Variants in POLN observed in about 807,000 individuals in gnomAD.
The protein encoded by POLN is DNA polymerase nu.
POLN carries 108 observed loss-of-function variants against 113.5 expected under a neutral mutation model. That is an observed-to-expected ratio of 0.95 (90% CI 0.81 to 1.12). The LOEUF is 1.12. Among genes scored for constraint, POLN ranks in the 50% most tolerant of loss-of-function variants. POLN has a pLI of 0.00. For synonymous variants in POLN, 386 were observed against 391.5 expected (o/e 0.99, Z 0.17); for missense variants, 1,097 against 1,077.1 (o/e 1.02, Z -0.26).
intron 3 of POLN, among the ~76,000 whole-genome samples, chr4:2,215,781 CT>C (rs1461205650): frequency 6.6e-6 from 1 of 152,188 alleles, no homozygotes; most frequent in Non-Finnish European, 1.5e-5. Flanking sequence ...GGGCCTTTTC[CT>C]TGGGAAATTT....
In POLN at chr4:2,175,424, C is replaced by T. The variant is rs140957751; in HGVS notation, c.1249-673G>A. On this transcript the variant is annotated intron_variant, in intron 9 of 25. Coordinates refer to ENST00000511885, the MANE Select transcript of POLN (RefSeq NM_181808.4). The stretch of plus-strand genomic sequence containing the variant: ...ATTTAAGCATTTGTGGACTTTTAGT[C>T]TACCATTTTAATTTCAGAATAGGCT... Among the ~76,000 whole-genome samples the T allele has an allele frequency of 2.8e-4, 43 of 152,298 alleles. No homozygotes were observed. In the East Asian group the frequency reaches 6.2e-3, roughly 22 times the overall value.
chr4:2,089,088 C>T, intron 20 of POLN: 1 of 910,272 alleles, frequency 1.1e-6, no homozygotes, highest in Non-Finnish European at 1.7e-6. Flanking sequence ...ATGGATTGGT[C>T]TACTATAGGC....
intron 3 of POLN, among the ~76,000 whole-genome samples, chr4:2,222,108 T>G (rs768438207): frequency 6.6e-6 from 1 of 152,216 alleles, no homozygotes; most frequent in Admixed American, 6.5e-5. Context: ...TTATTTTGCA[T>G]TCACATGGGT....
intron 5 of POLN, among the ~76,000 whole-genome samples, chr4:2,206,752 A>C (rs1255363234): frequency 6.6e-6 from 1 of 152,206 alleles, no homozygotes; most frequent in South Asian, 2.1e-4. Context: ...AAAATAATAG[A>C]TATTGGCATG....
intron 7 of POLN, among the ~76,000 whole-genome samples, chr4:2,180,502 T>C (rs554955890): frequency 6.8e-4 from 104 of 152,200 alleles, no homozygotes; most frequent in Non-Finnish European, 1.3e-3. Flanking sequence ...GAGATTTATA[T>C]TTACCAAAGC....
chr4:2,114,828 T>G (rs1186455858), intron 19 of POLN, among the ~76,000 whole-genome samples: 1 of 152,038 alleles, frequency 6.6e-6, no homozygotes, highest in African/African-American at 2.4e-5. Context: ...ATATTTCTTT[T>G]ACCTTATTCT....
At chr4:2,165,660 AG>A (rs541961868) in intron 13 of POLN, among the ~76,000 whole-genome samples, 79 of 152,288 alleles carry the variant, frequency 5.2e-4, no homozygotes, top group African/African-American at 1.9e-3. Context: ...CATTCTGTCG[AG>A]GATGTTGATA....
At position 2,241,541 on chromosome 4, in the gene POLN, G is replaced by T. The variant is rs1412954399; in HGVS notation, c.-34C>A. Reference sequence around the variant, plus strand: ...TTACCTCAACGTCTCGCCGGGCAAGGCTCCACCTCCAGAGTCCACCACCGC... The same window carrying T: ...TTACCTCAACGTCTCGCCGGGCAAGTCTCCACCTCCAGAGTCCACCACCGC... On this transcript the variant is annotated 5_prime_UTR_variant, in exon 2 of 26. Coordinates refer to ENST00000511885, the MANE Select transcript of POLN (RefSeq NM_181808.4). 3.0e-6 allele frequency: 3 copies of T among 985,794 alleles called. No homozygotes were observed. Among genetic ancestry groups the T allele is most frequent in the Non-Finnish European group, 3.6e-6 (3 of 830,302 alleles). The allele number at this position is 985,794 out of a possible 1,614,324, so 61.1% of individuals were successfully genotyped here. A position where few individuals can be genotyped will look rare whatever the true frequency, so the allele number is the denominator to read the frequency against.
intron 21 of POLN, among the ~76,000 whole-genome samples, chr4:2,084,688 G>A (rs35049617): frequency 2.7e-3 from 416 of 152,358 alleles, no homozygotes; most frequent in Non-Finnish European, 3.0e-3. Flanking sequence ...GGCTCACGGA[G>A]AGGGTCCACG....
intron 19 of POLN, among the ~76,000 whole-genome samples, chr4:2,103,735 A>G (rs1577694121): frequency 6.6e-6 from 1 of 152,178 alleles, no homozygotes; most frequent in African/African-American, 2.4e-5. Flanking sequence ...TATAAAGGAA[A>G]CCCCATTGGA....
intron 19 of POLN, among the ~76,000 whole-genome samples, chr4:2,121,708 A>G (rs1731447660): frequency 1.3e-5 from 2 of 151,962 alleles, no homozygotes; most frequent in African/African-American, 4.8e-5. Context: ...CATTCCTGAT[A>G]TTGATGATTT....
Position 2,208,260 on chromosome 4 carries a change from T to G in POLN, c.441A>C (p.Glu147Asp). Residue 147 changes from glutamate to aspartate, a missense_variant, in exon 5 of 26, where the codon GAA (glutamate) becomes GAC (aspartate). By Grantham distance (45) the Glu-to-Asp change is conservative. Transcript: ENST00000511885. ...KHFLMENINNENKGSINLKRK... is the reference protein window; with the variant it reads ...KHFLMENINNDNKGSINLKRK... ...TTTTAAGATTAATGCTTCCTTTATT[T>G]TCATTATTTATATTCTCCATTAGGA... 6.3e-7 allele frequency: 1 copy of G among 1,588,000 alleles called. No individual in the cohort carries two copies. The highest frequency in any genetic ancestry group is 8.6e-7 in the Non-Finnish European group (1 of 1,162,002).
At chr4:2,119,311 A>G (rs1220477299) in intron 19 of POLN, among the ~76,000 whole-genome samples, 3 of 152,250 alleles carry the variant, frequency 2.0e-5, no homozygotes, top group Non-Finnish European at 4.4e-5. Context: ...GAATTCACCT[A>G]ATGAGCCAAA....
chr4:2,144,143 C>CTTT (rs955583573), intron 16 of POLN, among the ~76,000 whole-genome samples: 17 of 127,010 alleles, frequency 1.3e-4, no homozygotes, highest in East Asian at 4.5e-4. Flanking sequence ...AAAATTTGTT[C>CTTT]TTTTTTTTTT....
chr4:2,232,084 T>A lies in POLN; in HGVS notation c.-12-2841A>T, dbSNP rs574720440. The A allele has an allele frequency of 4.9e-5, 78 of 1,604,234 alleles. 2 individuals are homozygous for A. The South Asian group carries it at 8.3e-4, about 17-fold the overall frequency. ...CAAAGTTTTTCTTTTTGTCTTCACATCAGCAAGAATATCAGTGAGGAGATG... is the reference window on the plus strand; with the variant it reads ...CAAAGTTTTTCTTTTTGTCTTCACAACAGCAAGAATATCAGTGAGGAGATG... On this transcript the variant is annotated intron_variant, in intron 2 of 25. Transcript: ENST00000511885.
intron 19 of POLN, among the ~76,000 whole-genome samples, chr4:2,119,392 C>G (rs1731389710): frequency 6.8e-6 from 1 of 146,456 alleles, no homozygotes; most frequent in Non-Finnish European, 1.5e-5. Context: ...ATGGCTGTGT[C>G]TTTTGCTTGT....
chr4:2,236,221 T>C (rs1734758987), intron 2 of POLN: 1 of 1,560,438 alleles, frequency 6.4e-7, no homozygotes, highest in African/African-American at 1.4e-5. Flanking sequence ...CTATGGCAAA[T>C]ACCCACCTGA....
chr4:2,109,368 T>C (rs1255882458), intron 19 of POLN, among the ~76,000 whole-genome samples: 1 of 152,186 alleles, frequency 6.6e-6, no homozygotes, highest in Non-Finnish European at 1.5e-5. Flanking sequence ...ATAAATTGTA[T>C]CCTAAAAGAG....
At chr4:2,217,531 AACC>A (rs1326729231) in intron 3 of POLN, among the ~76,000 whole-genome samples, 1 of 152,252 alleles carries the variant, frequency 6.6e-6, no homozygotes, top group Non-Finnish European at 1.5e-5. Context: ...GGTCTGACAG[AACC>A]AGCTCATGCT....
Sources: gnomAD v4.1 joint callset for allele counts (sites outside exome capture counted in the v4.1 genomes callset) on GRCh38, gnomAD v4.1.1 for gene constraint, MANE v1.5 for transcripts, NCBI Gene and HGNC (gene_info 2026-07-23, HGNC 2026-07-21) for gene names.